The following GULP1 variants were observed in gnomAD, a reference collection of about 807,000 sequenced individuals.
GULP1 encodes the protein PTB domain-containing engulfment adapter protein 1.
A neutral mutation model predicts 40.9 loss-of-function variants in GULP1; 19 were observed. That is an observed-to-expected ratio of 0.46 (90% CI 0.32 to 0.68). The LOEUF (loss-of-function observed/expected upper bound fraction) is 0.68, where lower values mean the gene tolerates loss of function less well. Among genes scored for constraint, GULP1 ranks in the 30% least tolerant of loss-of-function variants. The pLI is 0.03. For synonymous variants in GULP1, 119 were observed against 117.6 expected, an observed-to-expected ratio of 1.01 and a Z score of -0.08; for missense variants, 312 against 362.2, an observed-to-expected ratio of 0.86 and a Z score of 1.12.
At chr2:188,306,565 T>A (rs1209681524) in intron 1 of GULP1, among the ~76,000 whole-genome samples, 2 of 152,140 alleles carry the variant, frequency 1.3e-5, no homozygotes, top group African/African-American at 4.8e-5. Flanking sequence ...TTCAAATGTG[T>A]AAGCAGGAGG....
chr2:188,375,234 T>C (rs2048150004), intron 1 of GULP1, among the ~76,000 whole-genome samples: 1 of 152,226 alleles, frequency 6.6e-6, no homozygotes, highest in Non-Finnish European at 1.5e-5. Context: ...TATCCAATTA[T>C]GGTGATACTA....
chr2:188,334,798 C>T (rs995523656), intron 1 of GULP1, among the ~76,000 whole-genome samples: 5 of 152,164 alleles, frequency 3.3e-5, no homozygotes, highest in Non-Finnish European at 7.4e-5. Context: ...AATAAAAGAT[C>T]ATATTTGGGA....
intron 4 of GULP1, 29 bp from the exon 5 acceptor site, chr2:188,522,727 G>A: frequency 7.0e-7 from 1 of 1,423,432 alleles, no homozygotes; most frequent in South Asian, 1.1e-5. Context: ...TATGGTAAAA[G>A]CCTGTGTCTC....
chr2:188,502,824 C>T (rs2063554604), intron 4 of GULP1, among the ~76,000 whole-genome samples: 1 of 151,836 alleles, frequency 6.6e-6, no homozygotes, highest in Admixed American at 6.6e-5. Flanking sequence ...AAATTTATTT[C>T]TCACAACTCT....
chr2:188,527,166 A>G (rs141041969), intron 5 of GULP1, among the ~76,000 whole-genome samples: 42 of 151,706 alleles, frequency 2.8e-4, no homozygotes, highest in African/African-American at 9.9e-4. Flanking sequence ...TTCTCAATAG[A>G]TAAGTTTAAT....
chr2:188,375,891 G>A (rs1038627471), intron 1 of GULP1, among the ~76,000 whole-genome samples: 6 of 152,066 alleles, frequency 3.9e-5, no homozygotes, highest in Non-Finnish European at 7.4e-5. Context: ...TGTATCCTCA[G>A]GGGATTGATT....
chr2:188,592,115 C>T (rs2153477143), intron 11 of GULP1: 1 of 151,880 alleles, frequency 6.6e-6, no homozygotes, highest in African/African-American at 2.4e-5. Flanking sequence ...AGTGATTGAC[C>T]TCTGTTTTAC....
intron 4 of GULP1, among the ~76,000 whole-genome samples, chr2:188,503,240 G>A (rs1243509551): frequency 2.6e-5 from 4 of 151,430 alleles, no homozygotes. Flanking sequence ...ACTATCATTT[G>A]TGTTAGTGTA....
intron 1 of GULP1, among the ~76,000 whole-genome samples, chr2:188,330,520 A>C (rs1001818446): frequency 6.6e-6 from 1 of 152,202 alleles, no homozygotes; most frequent in African/African-American, 2.4e-5. Flanking sequence ...GACTGCTTTT[A>C]AAATGTGATT....
chr2:188,586,730 T>G (rs990268447), intron 10 of GULP1, among the ~76,000 whole-genome samples: 6 of 152,106 alleles, frequency 3.9e-5, no homozygotes. Context: ...TTGTAAGAAT[T>G]TCACATTTAT....
intron 10 of GULP1, among the ~76,000 whole-genome samples, chr2:188,587,650 T>G (rs1472397652): frequency 2.0e-5 from 3 of 152,162 alleles, no homozygotes; most frequent in Admixed American, 2.0e-4. Context: ...ATAATAAAAC[T>G]TTTTAATATC....
At chr2:188,472,272 T>G (rs1341462060) in intron 2 of GULP1, among the ~76,000 whole-genome samples, 1 of 152,188 alleles carries the variant, frequency 6.6e-6, no homozygotes, top group Non-Finnish European at 1.5e-5. Flanking sequence ...TTAAATCTGC[T>G]TGGTGTTGTA....
At chr2:188,433,441 C>T (rs1340969012) in intron 2 of GULP1, among the ~76,000 whole-genome samples, 1 of 152,004 alleles carries the variant, frequency 6.6e-6, no homozygotes, top group Non-Finnish European at 1.5e-5. Flanking sequence ...GAGAAAAAGG[C>T]AATGGAGAAG....
intron 6 of GULP1, among the ~76,000 whole-genome samples, chr2:188,531,690 G>A (rs1687582358): frequency 6.6e-6 from 1 of 152,200 alleles, no homozygotes; most frequent in South Asian, 2.1e-4. Flanking sequence ...TAGTTTGCTG[G>A]GAAACAAGGC....
At chr2:188,426,420 C>T (rs1319132530) in intron 2 of GULP1, among the ~76,000 whole-genome samples, 1 of 152,096 alleles carries the variant, frequency 6.6e-6, no homozygotes, top group Non-Finnish European at 1.5e-5. Flanking sequence ...GTGTGAGACA[C>T]TTACTTCTTT....
chr2:188,355,500 C>T (rs111819374), intron 1 of GULP1, among the ~76,000 whole-genome samples: 33 of 151,940 alleles, frequency 2.2e-4, no homozygotes, highest in African/African-American at 7.5e-4. Context: ...AAAACTTCAG[C>T]AGACCAATAA....
Position 188,477,743 on chromosome 2 carries a change from ATTT to A in GULP1, c.28+17_28+19del. 2 of 1,591,718 alleles carry A rather than the reference ATTT, an allele frequency of 1.3e-6. No individual in the cohort carries two copies. Among genetic ancestry groups the A allele is most frequent in the South Asian group, 2.3e-5 (2 of 88,242 alleles). On this transcript the variant is annotated intron_variant, in intron 3 of 11. Transcript: ENST00000409830. Reference sequence around the variant, plus strand: ...AGCAGGAAGAAAGGTAAGTGTGGTCATTTTTTAAAACTTGGGAGTCAAGCCAAT... The same window carrying A: ...AGCAGGAAGAAAGGTAAGTGTGGTCATTTAAAACTTGGGAGTCAAGCCAAT...
intron 5 of GULP1, 86 bp from the exon 6 acceptor site, chr2:188,529,011 G>C: frequency 1.5e-6 from 1 of 675,076 alleles, no homozygotes; most frequent in Non-Finnish European, 2.6e-6. Context: ...GTCTGAAATT[G>C]AATATGAACT....
chr2:188,532,684 G>A (rs896219149), intron 6 of GULP1, among the ~76,000 whole-genome samples: 16 of 151,236 alleles, frequency 1.1e-4, no homozygotes, highest in Non-Finnish European at 2.1e-4. Context: ...TTGGGAGGCC[G>A]AGATGGGGGA....
Sources: allele counts gnomAD v4.1 joint callset (sites outside exome capture counted in the v4.1 genomes callset), GRCh38; gene constraint gnomAD v4.1.1; transcripts MANE v1.5; gene names NCBI Gene and HGNC (gene_info 2026-07-23, HGNC 2026-07-21).